The following C5 variants were observed in gnomAD, a reference collection of about 807,000 sequenced individuals.
C5 encodes C3 and PZP-like alpha-2-macroglobulin domain-containing protein 4.
In C5, 140 loss-of-function variants were observed where a neutral mutation model predicts 218.8. The observed-to-expected ratio is 0.64, with a 90% confidence interval of 0.56 to 0.74. C5 has a LOEUF of 0.74. Among genes scored for constraint, C5 ranks in the 30% least tolerant of loss-of-function variants. The pLI, the probability that C5 is intolerant of heterozygous loss-of-function variation, is 0.00. For missense variants in C5, 1,700 were observed against 1,969.6 expected (o/e 0.86, Z 2.59); for synonymous variants, 614 against 682.3 (o/e 0.90, Z 1.56).
intron 25 of C5, among the ~76,000 whole-genome samples, chr9:120,984,054 C>T (rs940349798): frequency 1.3e-5 from 2 of 152,114 alleles, no homozygotes; most frequent in Non-Finnish European, 2.9e-5. Flanking sequence ...TATATTAATA[C>T]ATAAAGTTTC....
At chr9:121,054,581 C>G (rs10818501), upstream of C5, among the ~76,000 whole-genome samples, 1 of 152,028 alleles carries the variant, frequency 6.6e-6, no homozygotes. Context: ...GCCTGGGCAA[C>G]GAGAGCAAAA....
upstream of C5, among the ~76,000 whole-genome samples, chr9:121,055,054 G>A (rs2047691574): frequency 6.6e-6 from 1 of 152,044 alleles, no homozygotes; most frequent in Non-Finnish European, 1.5e-5. Context: ...ATTGTCAACT[G>A]AAGAATCCTT....
At chr9:120,993,169 T>C (rs2047089583) in intron 22 of C5, among the ~76,000 whole-genome samples, 1 of 152,198 alleles carries the variant, frequency 6.6e-6, no homozygotes, top group Non-Finnish European at 1.5e-5. Context: ...GGTGAGGTTG[T>C]GGAGAGACGA....
chr9:120,962,003 CAG>C (rs1464275901), intron 36 of C5, among the ~76,000 whole-genome samples: 1 of 152,124 alleles, frequency 6.6e-6, no homozygotes, highest in African/African-American at 2.4e-5. Flanking sequence ...GAATGGGTGT[CAG>C]AGTTTTGGTT....
chr9:120,955,263 C>T lies in C5; in HGVS notation c.4763-1395G>A, dbSNP rs2046776416. Among the ~76,000 whole-genome samples, 3 of 151,990 alleles carry T rather than the reference C, an allele frequency of 2.0e-5. No individual in the cohort carries two copies. In the South Asian group the frequency reaches 6.2e-4, roughly 32 times the overall value. ...GCCCAGAATGAGGAGATGAAGTATG[C>T]CAATGTTTCTTAACATTTCCTTTTA... On this transcript the variant is annotated intron_variant, in intron 39 of 40. Transcript: ENST00000223642.
chr9:121,062,539 C>T, the C5 span, among the ~76,000 whole-genome samples: 1 of 152,088 alleles, frequency 6.6e-6, no homozygotes, highest in Admixed American at 6.5e-5. Context: ...TAACACTTCA[C>T]AAGGAATCTC....
intron 19 of C5, among the ~76,000 whole-genome samples, chr9:121,006,460 C>T (rs894712910): frequency 6.6e-6 from 1 of 152,154 alleles, no homozygotes; most frequent in Admixed American, 6.5e-5. Context: ...AGCATCTGCA[C>T]TTAATCATCA....
At chr9:121,006,807 A>AT (rs1451162724) in intron 19 of C5, 97 bp downstream of exon 19, 2 of 883,718 alleles carry the variant, frequency 2.3e-6, no homozygotes, top group African/African-American at 3.3e-5. Context: ...AATTGCTACC[A>AT]TTTAAGTCCT....
chr9:120,973,973 C>CAA (rs11450724), intron 30 of C5, among the ~76,000 whole-genome samples: 30 of 143,526 alleles, frequency 2.1e-4, no homozygotes, highest in African/African-American at 7.6e-4. Context: ...AACTCCATCT[C>CAA]AAAAAAAAAA....
rs775428651 is a variant in C5 at position 120,969,103 on chromosome 9, C to T, written c.4178G>A (p.Gly1393Asp). The T allele has an allele frequency of 6.2e-7, 1 of 1,613,970 alleles. No homozygotes were observed. Among genetic ancestry groups the T allele is most frequent in the South Asian group, 1.1e-5 (1 of 91,074 alleles). The change falls in exon 33 of 41, where the codon GGC (glycine) becomes GAC (aspartate). Residue 1393 changes from glycine (G) to aspartate (D), a missense_variant. Gly to Asp is a moderately conservative substitution (Grantham distance 94, BLOSUM62 -1). Coordinates refer to ENST00000223642, the MANE Select transcript of C5 (RefSeq NM_001735.3). ...GCGTTTGTAATCAGAGTTTCCGTAG[C>T]CTCTGTAGTGGGATGCTGGCACATA... ...TQDIEASHYR[G>D]YGNSDYKRIV... is the part of the protein sequence containing the mutation.
intron 8 of C5, among the ~76,000 whole-genome samples, chr9:121,026,600 C>T (rs1227497845): frequency 6.6e-6 from 1 of 152,124 alleles, no homozygotes; most frequent in Non-Finnish European, 1.5e-5. Context: ...CCCTAGTAAA[C>T]ACCAGTAGCA....
At chr9:120,965,812 G>A (rs930250861) in intron 33 of C5, among the ~76,000 whole-genome samples, 1 of 152,160 alleles carries the variant, frequency 6.6e-6, no homozygotes, top group Non-Finnish European at 1.5e-5. Context: ...CCCGAGTGGA[G>A]AGTGTCTATG....
chr9:120,971,752 A>C (rs957290745), intron 31 of C5, among the ~76,000 whole-genome samples, 178 bp downstream of exon 31: 13 of 152,186 alleles, frequency 8.5e-5, no homozygotes, highest in Admixed American at 2.0e-4. Context: ...TGTTATTTTC[A>C]AAAAAATTGT....
At chr9:120,988,615 G>C (rs1412227285) in intron 25 of C5, among the ~76,000 whole-genome samples, 6 of 152,196 alleles carry the variant, frequency 3.9e-5, no homozygotes. Flanking sequence ...AGATCATACA[G>C]AGCTTTGTAA....
At chr9:120,994,230 A>AT (rs201290404) in intron 22 of C5, among the ~76,000 whole-genome samples, 227 of 150,968 alleles carry the variant, frequency 1.5e-3, no homozygotes, top group African/African-American at 4.5e-3. Flanking sequence ...ACTTTTTAGC[A>AT]TTTTTTTTTA....
At chr9:121,004,448 A>T (rs185590389) in intron 20 of C5, among the ~76,000 whole-genome samples, 90 of 152,266 alleles carry the variant, frequency 5.9e-4, no homozygotes, top group African/African-American at 1.7e-3. Context: ...GAATTCATTG[A>T]GGAAAAGGAA....
At position 121,046,172 on chromosome 9, in the gene C5, A is replaced by G; in HGVS notation, c.258+19T>C. Reference sequence around the variant, plus strand: ...TATTCTGTATATATATATAAAGAAAATAAAGGATAAATACATACTGTTAAG... The same window carrying G: ...TATTCTGTATATATATATAAAGAAAGTAAAGGATAAATACATACTGTTAAG... On this transcript the variant is annotated intron_variant, in intron 2 of 40. Coordinates refer to ENST00000223642, the MANE Select transcript of C5 (RefSeq NM_001735.3). The G allele has an allele frequency of 1.5e-6, 2 of 1,317,910 alleles. No homozygotes were observed. Among genetic ancestry groups the G allele is most frequent in the Non-Finnish European group, 2.2e-6 (2 of 927,706 alleles). 81.6% of individuals were successfully genotyped at this position (1,317,910 alleles called of 1,614,324 possible).
intron 37 of C5, among the ~76,000 whole-genome samples, chr9:120,960,774 C>A (rs1332211163): frequency 1.3e-5 from 2 of 152,196 alleles, no homozygotes; most frequent in East Asian, 1.9e-4. Flanking sequence ...AGATTGGACA[C>A]CCCTGGCATA....
chr9:121,022,730 A>C (rs2047377175), intron 10 of C5, among the ~76,000 whole-genome samples: 1 of 150,990 alleles, frequency 6.6e-6, no homozygotes, highest in African/African-American at 2.4e-5. Flanking sequence ...ATTTGTAATA[A>C]AATATATAAT....
Sources: allele counts gnomAD v4.1 joint callset (sites outside exome capture counted in the v4.1 genomes callset), GRCh38; gene constraint gnomAD v4.1.1; transcripts MANE v1.5; gene names NCBI Gene and HGNC (gene_info 2026-07-23, HGNC 2026-07-21).